Variants in VWA3A observed in about 807,000 individuals in gnomAD.
The protein encoded by VWA3A is von Willebrand factor A domain-containing protein 3A.
VWA3A carries 134 observed loss-of-function variants against 160.4 expected under a neutral mutation model. The ratio of observed to expected loss-of-function variants is 0.84; its 90% confidence interval spans 0.73 to 0.96. The LOEUF is 0.96. VWA3A is among the 40% of genes least tolerant of loss of function. The pLI is 0.00. For missense variants in VWA3A, 1,310 were observed against 1,447.9 expected, an observed-to-expected ratio of 0.90 and a Z score of 1.55; for synonymous variants, 476 against 543.4, an observed-to-expected ratio of 0.88 and a Z score of 1.72.
At position 22,115,565 on chromosome 16, in the gene VWA3A, C is replaced by T. The variant is rs1190700202; in HGVS notation, c.815+93C>T. 5.8e-6 allele frequency: 8 copies of T among 1,383,350 alleles called. No homozygotes were observed. The East Asian group carries it at 1.0e-4, about 18-fold the overall frequency. The allele number at this position is 1,383,350 out of a possible 1,614,324, so 85.7% of individuals were successfully genotyped here. A position where few individuals can be genotyped will look rare whatever the true frequency, so the allele number is the denominator to read the frequency against. The stretch of plus-strand genomic sequence containing the variant: ...AGAAAAGATTGGCTTGTCACAGTGG[C>T]TCATGCCTGTAATCCCAGCACTTTG... On this transcript the variant is annotated intron_variant, in intron 9 of 33. Coordinates refer to ENST00000389398, the MANE Select transcript of VWA3A (RefSeq NM_173615.5).
At position 22,115,918 on chromosome 16, in the gene VWA3A, G is replaced by GAAGGAAAGGA. The variant is rs374423811; in HGVS notation, c.815+458_815+467dup. Among the ~76,000 whole-genome samples, 80 of 31,380 alleles carry GAAGGAAAGGA rather than the reference G, an allele frequency of 2.5e-3. 2 individuals are homozygous for GAAGGAAAGGA. Among genetic ancestry groups the GAAGGAAAGGA allele is most frequent in the African/African-American group, 3.8e-3 (6 of 1,570 alleles). The allele number at this position is 31,380 out of a possible 152,430, so 20.6% of individuals were successfully genotyped here. On this transcript the variant is annotated intron_variant, in intron 9 of 33. Coordinates refer to ENST00000389398, the MANE Select transcript of VWA3A (RefSeq NM_173615.5). ...GGAAGGAAGGAAGGAAGGAAGGAAG[G>GAAGGAAAGGA]AAGGAAAGGAAAGGAAAGGAAGGGA... is the stretch of plus-strand genomic sequence containing the variant.
At chr16:22,115,863 AAGG>A (rs1393354656) in intron 9 of VWA3A, among the ~76,000 whole-genome samples, 6 of 9,524 alleles carry the variant, frequency 6.3e-4, no homozygotes, top group East Asian at 0.013. Context: ...GGAAGGAAGG[AAGG>A]AAGGAAGGAA....
intron 1 of VWA3A, among the ~76,000 whole-genome samples, chr16:22,095,688 G>T (rs892546607): frequency 6.6e-6 from 1 of 151,902 alleles, no homozygotes; most frequent in Non-Finnish European, 1.5e-5. Flanking sequence ...CTCCCAAGTA[G>T]ATGGGACTAC....
intron 6 of VWA3A, 30 bp downstream of exon 6, chr16:22,103,559 C>T (rs1173119320): frequency 2.6e-6 from 4 of 1,549,328 alleles, no homozygotes; most frequent in Admixed American, 2.0e-5. Context: ...TTCTTTGCCC[C>T]CTTTCACTCA....
intron 12 of VWA3A, among the ~76,000 whole-genome samples, chr16:22,119,561 C>G (rs2045700333): frequency 6.6e-6 from 1 of 152,178 alleles, no homozygotes; most frequent in Non-Finnish European, 1.5e-5. Flanking sequence ...GTTCCAGCTA[C>G]TCAGGAGGCT....
At chr16:22,154,518 G>A (rs569480478) in intron 31 of VWA3A, among the ~76,000 whole-genome samples, 2 of 151,244 alleles carry the variant, frequency 1.3e-5, no homozygotes, top group East Asian at 3.9e-4. Context: ...TAGTAGAGAT[G>A]AGGTTTCATC....
intron 21 of VWA3A, among the ~76,000 whole-genome samples, chr16:22,136,874 T>TACACACAC (rs747914882): frequency 2.2e-5 from 3 of 134,614 alleles, no homozygotes; most frequent in African/African-American, 9.3e-5. Context: ...CTACTAAAAA[T>TACACACAC]ACACACACAC....
Position 22,155,560 on chromosome 16 carries a change from T to C in VWA3A, c.3406-7T>C, listed in dbSNP as rs1339579269. The C allele has an allele frequency of 3.1e-6, 5 of 1,613,544 alleles. No homozygotes were observed. ...CATAAACTTCACACTCATTTCCTCT[T>C]TTCAAGGATCCCACATTGCCACCAT... On this transcript the variant is annotated splice_region_variant and splice_polypyrimidine_tract_variant and intron_variant, in intron 31 of 33. Transcript: ENST00000389398.
intron 8 of VWA3A, 55 bp from the exon 9 acceptor site, chr16:22,115,292 T>C: frequency 6.7e-7 from 1 of 1,502,132 alleles, no homozygotes; most frequent in South Asian, 1.3e-5. Context: ...GAAATTAAAA[T>C]GAAATTCAAT....
chr16:22,117,224 G>T, intron 11 of VWA3A, 48 bp downstream of exon 11: 1 of 1,548,268 alleles, frequency 6.5e-7, no homozygotes, highest in Non-Finnish European at 8.8e-7. Context: ...CTCCTTGTCT[G>T]CCTCCAAGGT....
chr16:22,133,382 T>C (rs1194465081), intron 20 of VWA3A, among the ~76,000 whole-genome samples: 1 of 152,120 alleles, frequency 6.6e-6, no homozygotes, highest in Non-Finnish European at 1.5e-5. Flanking sequence ...CCAGGAACAG[T>C]GGCTCATACC....
At position 22,100,384 on chromosome 16, in the gene VWA3A, A is replaced by T. The variant is rs757255650; in HGVS notation, c.351-32A>T. 2.0e-5 allele frequency: 31 copies of T among 1,551,540 alleles called. No homozygotes were observed. In the Admixed American group the frequency reaches 4.1e-4, roughly 21 times the overall value. On this transcript the variant is annotated intron_variant, in intron 4 of 33. Transcript: ENST00000389398. ...TGACACATGCAACCCCCTGGGCCCG[A>T]GAGATCCCCTCATAAGGCTTTGCTT...
intron 16 of VWA3A, 74 bp downstream of exon 16, chr16:22,123,781 TCC>T: frequency 1.5e-6 from 2 of 1,361,020 alleles, no homozygotes; most frequent in Admixed American, 3.9e-5. Flanking sequence ...CCTCATGAAT[TCC>T]CTGTTGGTAG....
At chr16:22,151,367 C>T (rs1256190032) in intron 30 of VWA3A, among the ~76,000 whole-genome samples, 1 of 152,128 alleles carries the variant, frequency 6.6e-6, no homozygotes, top group Non-Finnish European at 1.5e-5. Flanking sequence ...AGGGTGAAAA[C>T]CCCTCTCTTT....
chr16:22,131,195 C>T lies in VWA3A; in HGVS notation c.1653-10C>T, dbSNP rs1025332100. The T allele has an allele frequency of 1.1e-5, 17 of 1,613,480 alleles. No individual in the cohort carries two copies. The highest frequency in any genetic ancestry group is 2.2e-5 in the South Asian group (2 of 90,820). The stretch of plus-strand genomic sequence containing the variant: ...CCAGCCTAAGAACGAACTCTCTTTG[C>T]TTCTTAAAGGTTTGGAAGCACAATT... On this transcript the variant is annotated splice_polypyrimidine_tract_variant and intron_variant, in intron 17 of 33. Coordinates refer to ENST00000389398, the MANE Select transcript of VWA3A (RefSeq NM_173615.5).
intron 5 of VWA3A, among the ~76,000 whole-genome samples, chr16:22,101,992 C>T (rs2045414154): frequency 6.6e-6 from 1 of 152,186 alleles, no homozygotes; most frequent in Non-Finnish European, 1.5e-5. Flanking sequence ...AAGGTTACCA[C>T]ACCTGTCCAA....
chr16:22,132,897 C>G lies in VWA3A; in HGVS notation c.1873-3C>G. The G allele has an allele frequency of 6.2e-7, 1 of 1,608,932 alleles. No individual in the cohort carries two copies. Among genetic ancestry groups the G allele is most frequent in the South Asian group, 1.1e-5 (1 of 90,912 alleles). On this transcript the variant is annotated splice_polypyrimidine_tract_variant and splice_region_variant and intron_variant, in intron 19 of 33. Transcript: ENST00000389398. ...GCCCCTCCTACCTTCTCTTCCCCAC[C>G]AGCCTACACTCAGTGCCTACATGGC...
At chr16:22,144,517 C>G in intron 26 of VWA3A, 133 bp downstream of exon 26, 2 of 1,311,948 alleles carry the variant, frequency 1.5e-6, no homozygotes, top group East Asian at 2.5e-5. Context: ...TGGGACTCCC[C>G]TCACCAAATA....
At chr16:22,131,853 T>C in intron 19 of VWA3A, 124 bp downstream of exon 19, 50 of 1,330,212 alleles carry the variant, frequency 3.8e-5, no homozygotes, top group Non-Finnish European at 5.0e-5. Context: ...AACTTTAATG[T>C]ATAGACAAGC....
Sources: gnomAD v4.1 joint callset for allele counts (sites outside exome capture counted in the v4.1 genomes callset) on GRCh38, gnomAD v4.1.1 for gene constraint, MANE v1.5 for transcripts, NCBI Gene and HGNC (gene_info 2026-07-23, HGNC 2026-07-21) for gene names.